The following GMDS variants were observed in gnomAD, a reference collection of about 807,000 sequenced individuals.
The protein encoded by GMDS is GDP-mannose 4,6-dehydratase.
GMDS carries 20 observed loss-of-function variants against 49.9 expected under a neutral mutation model. The ratio of observed to expected loss-of-function variants is 0.40; its 90% CI spans 0.28 to 0.58. The LOEUF (loss-of-function observed/expected upper bound fraction) is 0.58. Among genes scored for constraint, GMDS ranks in the 20% least tolerant of loss-of-function variants. The pLI is 0.42. For synonymous variants in GMDS, 177 were observed against 178.6 expected, an observed-to-expected ratio of 0.99 and a Z score of 0.07; for missense variants, 362 against 481.4, an observed-to-expected ratio of 0.75 and a Z score of 2.32.
chr6:1,752,896 GA>G (rs1424161014), intron 7 of GMDS, among the ~76,000 whole-genome samples: 5 of 152,106 alleles, frequency 3.3e-5, no homozygotes, highest in Admixed American at 3.3e-4. Context: ...ACTAAATATG[GA>G]AAGGAAAAAC....
chr6:2,017,829 T>G (rs945400858), intron 4 of GMDS, among the ~76,000 whole-genome samples: 2 of 151,988 alleles, frequency 1.3e-5, no homozygotes, highest in Non-Finnish European at 2.9e-5. Context: ...GTTAAGAAAA[T>G]TGTAAAGAAG....
At chr6:2,075,838 T>G (rs1332698889) in intron 4 of GMDS, among the ~76,000 whole-genome samples, 2 of 152,200 alleles carry the variant, frequency 1.3e-5, no homozygotes, top group Non-Finnish European at 2.9e-5. Flanking sequence ...CCACACTGAC[T>G]TCCACAATGG....
intron 1 of GMDS, among the ~76,000 whole-genome samples, chr6:2,208,332 A>AGT (rs1779899905): frequency 6.6e-6 from 1 of 152,256 alleles, no homozygotes; most frequent in African/African-American, 2.4e-5. Flanking sequence ...ACAGCTGAAC[A>AGT]GTGCAGTTAG....
chr6:1,751,366 C>T (rs1447771046), intron 7 of GMDS, among the ~76,000 whole-genome samples: 4 of 152,172 alleles, frequency 2.6e-5, no homozygotes, highest in South Asian at 4.1e-4. Context: ...ACGAAGCTCC[C>T]GGAGGAAGGA....
chr6:1,886,020 C>T (rs564156725), intron 7 of GMDS, among the ~76,000 whole-genome samples: 79 of 152,298 alleles, frequency 5.2e-4, no homozygotes, highest in Non-Finnish European at 8.4e-4. Context: ...GCTATTCAAT[C>T]TGAATGTTTC....
intron 7 of GMDS, among the ~76,000 whole-genome samples, chr6:1,752,773 T>A: frequency 6.6e-6 from 1 of 152,138 alleles, no homozygotes; most frequent in Non-Finnish European, 1.5e-5. Context: ...GAATTCCATA[T>A]CCAGCCAAAG....
chr6:2,174,079 G>A (rs1250312641), intron 1 of GMDS, among the ~76,000 whole-genome samples: 4 of 152,084 alleles, frequency 2.6e-5, no homozygotes, highest in East Asian at 1.9e-4. Context: ...TACAGGCTAC[G>A]AACAGTAACT....
chr6:1,979,463 T>G lies in GMDS; in HGVS notation c.346-18497A>C, dbSNP rs1394912813. Among the ~76,000 whole-genome samples, 3 of 152,214 alleles carry G rather than the reference T, an allele frequency of 2.0e-5. No homozygotes were observed. The East Asian group carries it at 5.8e-4, about 29-fold the overall frequency. ...GAATCTTAGAGCTTGAAGACTGTCT[T>G]TCTGAAATAAGACAGGCAAAAAAGA... On this transcript the variant is annotated intron_variant, in intron 4 of 10. Coordinates refer to ENST00000380815, the MANE Select transcript of GMDS (RefSeq NM_001500.4).
chr6:2,017,011 C>T (rs1042098531), intron 4 of GMDS, among the ~76,000 whole-genome samples: 2 of 151,620 alleles, frequency 1.3e-5, no homozygotes, highest in African/African-American at 2.4e-5. Context: ...AAAGACAAAT[C>T]GATCCCCAAG....
In GMDS at chr6:1,766,303, G is replaced by T. The variant is rs933911266; in HGVS notation, c.772-23717C>A. On this transcript the variant is annotated intron_variant, in intron 7 of 10. Coordinates refer to ENST00000380815, the MANE Select transcript of GMDS (RefSeq NM_001500.4). This position sits in a 1 kb window ranked among gnomAD's most constrained non-coding sequence, Gnocchi z 4.5. ...GAGCAAAGACCACAGAACTTTCGAG[G>T]CAGCAGATTCATTTGGGCTTCAGGA... is the stretch of plus-strand genomic sequence containing the variant. Among the ~76,000 whole-genome samples the T allele has an allele frequency of 6.6e-6, 1 of 152,098 alleles. No individual in the cohort carries two copies. Among genetic ancestry groups the T allele is most frequent in the Admixed American group, 6.5e-5 (1 of 15,280 alleles).
intron 1 of GMDS, among the ~76,000 whole-genome samples, chr6:2,142,170 A>T (rs1366138883): frequency 6.6e-6 from 1 of 152,192 alleles, no homozygotes; most frequent in Non-Finnish European, 1.5e-5. Flanking sequence ...CCATAAGAGA[A>T]AAAAGAGCAG....
chr6:2,172,957 G>T (rs1483636687), intron 1 of GMDS, among the ~76,000 whole-genome samples: 1 of 152,012 alleles, frequency 6.6e-6, no homozygotes, highest in Non-Finnish European at 1.5e-5. Context: ...AACATATTAG[G>T]CCACAAAGAA....
At chr6:1,893,890 G>T (rs1320449727) in intron 7 of GMDS, among the ~76,000 whole-genome samples, 2 of 152,098 alleles carry the variant, frequency 1.3e-5, no homozygotes, top group African/African-American at 4.8e-5. Context: ...GAGACCTCTG[G>T]GTCTGTTCTT....
chr6:1,780,394 C>T (rs1769029559), intron 7 of GMDS, among the ~76,000 whole-genome samples: 1 of 152,190 alleles, frequency 6.6e-6, no homozygotes, highest in South Asian at 2.1e-4. Context: ...CAATAAATGG[C>T]AACTACTACT....
intron 1 of GMDS, among the ~76,000 whole-genome samples, chr6:2,213,623 C>T (rs1363328985): frequency 1.3e-5 from 2 of 152,120 alleles, no homozygotes; most frequent in African/African-American, 4.8e-5. Flanking sequence ...ATTGCTGGGC[C>T]GTGCTTCAGT....
intron 9 of GMDS, among the ~76,000 whole-genome samples, chr6:1,660,608 G>A (rs371514009): frequency 2.6e-5 from 4 of 151,382 alleles, no homozygotes; most frequent in Non-Finnish European, 5.9e-5. Context: ...TCACACCTCC[G>A]GTTCAAGTAG....
chr6:1,870,495 A>G (rs907589927), intron 7 of GMDS, among the ~76,000 whole-genome samples: 2 of 152,080 alleles, frequency 1.3e-5, no homozygotes, highest in African/African-American at 4.8e-5. Context: ...CACAGCTGCA[A>G]AACAGTCCGA....
At chr6:1,665,173 G>A (rs945865467) in intron 9 of GMDS, among the ~76,000 whole-genome samples, 1 of 152,178 alleles carries the variant, frequency 6.6e-6, no homozygotes, top group Non-Finnish European at 1.5e-5. Context: ...ATGTATACAT[G>A]TGCCATGTTG....
At chr6:1,718,897 A>G (rs532072688) in intron 9 of GMDS, among the ~76,000 whole-genome samples, 1 of 152,210 alleles carries the variant, frequency 6.6e-6, no homozygotes, top group African/African-American at 2.4e-5. Flanking sequence ...TATTCCTGTA[A>G]TAAATCCTAA....
Sources: gnomAD v4.1 joint callset for allele counts (sites outside exome capture counted in the v4.1 genomes callset) on GRCh38, gnomAD v4.1.1 for gene constraint, Gnocchi (gnomAD v3.1) non-coding constraint, MANE v1.5 for transcripts, NCBI Gene and HGNC (gene_info 2026-07-23, HGNC 2026-07-21) for gene names.